Variants in FSTL4 observed in about 807,000 individuals in gnomAD.
FSTL4 encodes follistatin like 4.
FSTL4 carries 28 observed loss-of-function variants against 78.2 expected under a neutral mutation model. The observed-to-expected ratio is 0.36, with a 90% confidence interval of 0.27 to 0.49. The LOEUF is 0.49. Among genes scored for constraint, FSTL4 ranks in the 20% least tolerant of loss-of-function variants. The pLI is 0.98. For synonymous variants in FSTL4, 422 were observed against 440.5 expected, an observed-to-expected ratio of 0.96 and a Z score of 0.53; for missense variants, 922 against 1,084.9, an observed-to-expected ratio of 0.85 and a Z score of 2.11.
rs558478296 is a variant in FSTL4, at chr5:133,225,046, G to C, written c.1312+104C>G. On this transcript the variant is annotated intron_variant, in intron 10 of 15. Coordinates refer to ENST00000265342, the MANE Select transcript of FSTL4 (RefSeq NM_015082.2). The surrounding 1 kb of genome is among the most constrained non-coding windows in gnomAD (Gnocchi z 4.6). The stretch of plus-strand genomic sequence containing the variant: ...ATATGAGGCTTACCCCTGTCTTCAC[G>C]GGCTCATGGTTGGCAGCTGTGGCCC... The C allele has an allele frequency of 7.5e-7, 1 of 1,325,930 alleles. No homozygotes were observed. Among genetic ancestry groups the C allele is most frequent in the African/African-American group, 1.4e-5 (1 of 69,744 alleles). The allele number at this position is 1,325,930 out of a possible 1,614,324, so 82.1% of individuals were successfully genotyped here.
chr5:133,662,935 A>C, the FSTL4 span, among the ~76,000 whole-genome samples: 1 of 151,366 alleles, frequency 6.6e-6, no homozygotes, highest in Admixed American at 6.6e-5. Flanking sequence ...AAGAGTACAC[A>C]TATGCAAAAG....
rs181841965 is a variant in FSTL4 at position 133,524,524 on chromosome 5, C to T, written c.160+42662G>A. Reference sequence around the variant, plus strand: ...CTTTGCCTCATTCAAGATGCTGTAACTTGCAGAACAGAGGGCTAAAACAAC... The same window carrying T: ...CTTTGCCTCATTCAAGATGCTGTAATTTGCAGAACAGAGGGCTAAAACAAC... On this transcript the variant is annotated intron_variant, in intron 3 of 15. Transcript: ENST00000265342. Among the ~76,000 whole-genome samples, 688 of 152,302 alleles carry T rather than the reference C, an allele frequency of 4.5e-3. 4 individuals are homozygous for T. The highest frequency in any genetic ancestry group is 5.5e-3 in the Non-Finnish European group (371 of 68,022).
chr5:133,540,822 T>C (rs1236767344), intron 3 of FSTL4, among the ~76,000 whole-genome samples: 1 of 151,946 alleles, frequency 6.6e-6, no homozygotes, highest in African/African-American at 2.4e-5. Flanking sequence ...AATCATCAAG[T>C]TTATTTAGCA....
At chr5:133,794,757 C>A in the FSTL4 span, among the ~76,000 whole-genome samples, 7 of 152,192 alleles carry the variant, frequency 4.6e-5, no homozygotes, top group Non-Finnish European at 1.0e-4. Context: ...CAACCCAGCA[C>A]TGTATCCAAG....
the FSTL4 span, among the ~76,000 whole-genome samples, chr5:133,681,799 C>A: frequency 6.6e-6 from 1 of 152,134 alleles, no homozygotes; most frequent in African/African-American, 2.4e-5. Flanking sequence ...CTCTGAAGGA[C>A]CCAGCATTCC....
At chr5:133,553,147 C>T (rs1156489016) in intron 3 of FSTL4, among the ~76,000 whole-genome samples, 1 of 152,124 alleles carries the variant, frequency 6.6e-6, no homozygotes, top group Non-Finnish European at 1.5e-5. Flanking sequence ...CCCGCGGTAC[C>T]CGGAACCCAC....
chr5:133,712,431 G>C, the FSTL4 span, among the ~76,000 whole-genome samples: 1 of 152,176 alleles, frequency 6.6e-6, no homozygotes, highest in Non-Finnish European at 1.5e-5. Context: ...AGTGGGTCGA[G>C]AGCTGATTTC....
the FSTL4 span, among the ~76,000 whole-genome samples, chr5:133,679,035 T>C: frequency 2.6e-5 from 4 of 152,168 alleles, no homozygotes; most frequent in African/African-American, 4.8e-5. Flanking sequence ...GCTATATCAC[T>C]GGATCATGAG....
the FSTL4 span, among the ~76,000 whole-genome samples, chr5:133,787,189 A>T: frequency 1.1e-4 from 16 of 152,322 alleles, no homozygotes; most frequent in South Asian, 3.1e-3. Flanking sequence ...TGTGTGGGCA[A>T]TATTTGGGAT....
chr5:133,744,423 G>A, the FSTL4 span, among the ~76,000 whole-genome samples: 3 of 152,134 alleles, frequency 2.0e-5, no homozygotes, highest in South Asian at 2.1e-4. Flanking sequence ...CTGTGATTCC[G>A]TAGCCCACAG....
At chr5:133,445,774 A>G (rs1465792973) in intron 3 of FSTL4, among the ~76,000 whole-genome samples, 1 of 152,152 alleles carries the variant, frequency 6.6e-6, no homozygotes, top group African/African-American at 2.4e-5. Flanking sequence ...AGCAATATTT[A>G]ACAGAGAGAA....
the FSTL4 span, among the ~76,000 whole-genome samples, chr5:133,720,327 A>G: frequency 2.1e-4 from 32 of 152,336 alleles, no homozygotes; most frequent in Middle Eastern, 3.4e-3. Context: ...AAATAACTAA[A>G]TTAGTTTTCT....
intron 3 of FSTL4, among the ~76,000 whole-genome samples, chr5:133,505,268 A>G (rs914729500): frequency 3.9e-5 from 6 of 152,240 alleles, no homozygotes; most frequent in African/African-American, 1.4e-4. Context: ...ATAACCAGAA[A>G]AAAACTATAA....
At chr5:133,264,849 G>C (rs1195094360) in intron 6 of FSTL4, among the ~76,000 whole-genome samples, 1 of 152,102 alleles carries the variant, frequency 6.6e-6, no homozygotes, top group African/African-American at 2.4e-5. Context: ...TCCACATCTT[G>C]ACCCATGGCA....
the FSTL4 span, among the ~76,000 whole-genome samples, chr5:133,755,836 A>C: frequency 6.6e-6 from 1 of 152,228 alleles, no homozygotes; most frequent in African/African-American, 2.4e-5. Context: ...TCTCTTCATC[A>C]AACTGTGTTC....
chr5:133,234,362 C>T (rs918942923), intron 7 of FSTL4, among the ~76,000 whole-genome samples: 11 of 152,316 alleles, frequency 7.2e-5, no homozygotes, highest in African/African-American at 1.2e-4. Flanking sequence ...CAGCCTCACA[C>T]GATGGGGTCT....
intron 4 of FSTL4, among the ~76,000 whole-genome samples, chr5:133,357,749 C>G (rs534687422): frequency 6.6e-6 from 1 of 152,072 alleles, no homozygotes; most frequent in Non-Finnish European, 1.5e-5. Flanking sequence ...CTCCCTAGCA[C>G]CCCCCACACC....
the FSTL4 span, among the ~76,000 whole-genome samples, chr5:133,832,173 C>A: frequency 6.6e-6 from 1 of 152,154 alleles, no homozygotes; most frequent in East Asian, 1.9e-4. Flanking sequence ...GATTTCGCCT[C>A]CTGCATTGTT....
intron 4 of FSTL4, among the ~76,000 whole-genome samples, chr5:133,349,556 A>G (rs1203765223): frequency 1.3e-5 from 2 of 151,862 alleles, no homozygotes; most frequent in Non-Finnish European, 2.9e-5. Flanking sequence ...TAAAGGACCC[A>G]TAGGATGGAC....
Sources: allele counts gnomAD v4.1 joint callset (sites outside exome capture counted in the v4.1 genomes callset), GRCh38; gene constraint gnomAD v4.1.1; non-coding constraint Gnocchi (gnomAD v3.1); transcripts MANE v1.5; gene names NCBI Gene and HGNC (gene_info 2026-07-23, HGNC 2026-07-21).